Variants in NT5DC1 observed in about 807,000 individuals in gnomAD.
The protein encoded by NT5DC1 is 5'-nucleotidase domain-containing protein 1.
In NT5DC1, 42 loss-of-function variants were observed where a neutral mutation model predicts 59.4. That is an observed-to-expected ratio of 0.71 (90% CI 0.55 to 0.92). NT5DC1 has a LOEUF of 0.92. NT5DC1 is among the 40% of genes least tolerant of loss of function. NT5DC1 has a pLI of 0.00. For synonymous variants in NT5DC1, 172 were observed against 188.1 expected (o/e 0.91, Z 0.70); for missense variants, 501 against 537.1 (o/e 0.93, Z 0.66).
At chr6:116,118,830 C>T (rs1000822301) in intron 6 of NT5DC1, 5 of 152,232 alleles carry the variant, frequency 3.3e-5, no homozygotes, top group African/African-American at 9.6e-5. Context: ...GTGGGTACCT[C>T]TTCACAGTCA....
At chr6:116,200,000 G>GGA (rs1554199752) in intron 6 of NT5DC1, among the ~76,000 whole-genome samples, 1 of 90,948 alleles carries the variant, frequency 1.1e-5, no homozygotes, top group African/African-American at 3.1e-5. Flanking sequence ...TATGGAAAGT[G>GGA]GGGGGGGAAG....
chr6:116,133,456 A>G (rs924326853), intron 6 of NT5DC1, among the ~76,000 whole-genome samples: 11 of 152,210 alleles, frequency 7.2e-5, no homozygotes, highest in Admixed American at 6.5e-4. Context: ...GTCACCATCT[A>G]TAGTGTACAA....
intron 6 of NT5DC1, among the ~76,000 whole-genome samples, chr6:116,144,071 TGAG>T (rs1779831410): frequency 6.6e-6 from 1 of 152,184 alleles, no homozygotes; most frequent in South Asian, 2.1e-4. Context: ...ATTTTTATAA[TGAG>T]GATATTCAGA....
intron 6 of NT5DC1, among the ~76,000 whole-genome samples, chr6:116,143,081 T>C (rs1364019152): frequency 1.3e-5 from 2 of 152,232 alleles, no homozygotes; most frequent in African/African-American, 4.8e-5. Context: ...GATTTTGTTA[T>C]TTTGAATAAT....
chr6:116,110,224 C>T (rs1438291055), intron 3 of NT5DC1, among the ~76,000 whole-genome samples: 1 of 152,206 alleles, frequency 6.6e-6, no homozygotes, highest in African/African-American at 2.4e-5. Flanking sequence ...ATAGGATTCT[C>T]TTAACTGGAC....
intron 6 of NT5DC1, among the ~76,000 whole-genome samples, chr6:116,181,395 T>C (rs1206820952): frequency 6.6e-6 from 1 of 152,082 alleles, no homozygotes; most frequent in Non-Finnish European, 1.5e-5. Context: ...ATTTATGATA[T>C]TAGCAAATAA....
rs570847890 is a variant in NT5DC1 at position 116,237,167 on chromosome 6, C to A, written c.921+83C>A. On this transcript the variant is annotated intron_variant, in intron 9 of 11. Transcript: ENST00000319550. ...AACTGCCAAATCTCTCCTCTTAATT[C>A]TTCTGCTTAAATAAGCCTTTCCTTT... 50 of 778,826 alleles carry A rather than the reference C, an allele frequency of 6.4e-5. No homozygotes were observed. The African/African-American group carries it at 7.1e-4, about 11-fold the overall frequency. 48.2% of individuals were successfully genotyped at this position (778,826 alleles called of 1,614,324 possible).
At chr6:116,162,280 C>G (rs374997779) in intron 6 of NT5DC1, among the ~76,000 whole-genome samples, 3 of 152,122 alleles carry the variant, frequency 2.0e-5, no homozygotes, top group Admixed American at 6.5e-5. Flanking sequence ...CTTTCTCCTG[C>G]CTGATTGCTC....
At chr6:116,215,642 T>C (rs1017414283) in intron 6 of NT5DC1, among the ~76,000 whole-genome samples, 1 of 152,164 alleles carries the variant, frequency 6.6e-6, no homozygotes, top group South Asian at 2.1e-4. Context: ...CACATTTACG[T>C]TGTCTGTCCA....
chr6:116,200,002 G>GT (rs773820394), intron 6 of NT5DC1, among the ~76,000 whole-genome samples: 1 of 101,286 alleles, frequency 9.9e-6, no homozygotes, highest in African/African-American at 3.3e-5. Context: ...TGGAAAGTGG[G>GT]GGGGGAAGAG....
At chr6:116,158,306 G>A (rs1414623018) in intron 6 of NT5DC1, among the ~76,000 whole-genome samples, 2 of 151,826 alleles carry the variant, frequency 1.3e-5, no homozygotes, top group African/African-American at 2.4e-5. Context: ...TTAGTCCTGT[G>A]CATCTACATG....
chr6:116,120,882 G>C, intron 6 of NT5DC1: 2 of 1,613,870 alleles, frequency 1.2e-6, no homozygotes, highest in Non-Finnish European at 1.7e-6. Context: ...CCAACTCCAG[G>C]ATCACCTTTT....
At chr6:116,207,035 A>C (rs535046302) in intron 6 of NT5DC1, among the ~76,000 whole-genome samples, 1 of 151,986 alleles carries the variant, frequency 6.6e-6, no homozygotes, top group South Asian at 2.1e-4. Flanking sequence ...CACTTATGTC[A>C]TATGCTTTCT....
intron 6 of NT5DC1, among the ~76,000 whole-genome samples, chr6:116,213,817 G>A (rs1781635031): frequency 6.6e-6 from 1 of 152,098 alleles, no homozygotes; most frequent in Non-Finnish European, 1.5e-5. Context: ...ATCAGAAAGA[G>A]TTGTGTCTAG....
chr6:116,121,639 T>A, intron 6 of NT5DC1: 1 of 1,613,938 alleles, frequency 6.2e-7, no homozygotes, highest in Non-Finnish European at 8.5e-7. Context: ...GTCCCTGTTG[T>A]CCAGGTTTTC....
At chr6:116,197,804 G>A (rs986581167) in intron 6 of NT5DC1, among the ~76,000 whole-genome samples, 4 of 152,020 alleles carry the variant, frequency 2.6e-5, no homozygotes, top group Non-Finnish European at 4.4e-5. Context: ...AAAGCGCTAG[G>A]TAAACATTTC....
Position 116,244,016 on chromosome 6 carries a change from TC to T in NT5DC1, c.1362del (p.Lys455AsnfsTer17). 1 of 1,338,468 alleles carries T rather than the reference TC, an allele frequency of 7.5e-7. No individual in the cohort carries two copies. The highest frequency in any genetic ancestry group is 1.1e-6 in the Non-Finnish European group (1 of 947,488). The allele number at this position is 1,338,468 out of a possible 1,614,324, so 82.9% of individuals were successfully genotyped here. ...LVLSSDETLI[S>X]K is the part of the protein sequence containing the mutation. ...CTTATCAAGTGATGAGACACTGATA[TC>T]CAAATAAGTTGTCTTTACTGAAAAA... On this transcript the variant is annotated frameshift_variant, in exon 12 of 12. Transcript: ENST00000319550. LOFTEE classifies it high-confidence loss of function.
intron 6 of NT5DC1, among the ~76,000 whole-genome samples, chr6:116,138,538 C>T (rs187546287): frequency 6.6e-6 from 1 of 152,228 alleles, no homozygotes; most frequent in East Asian, 1.9e-4. Flanking sequence ...TAATTAAAAA[C>T]GAAGCTAATT....
At chr6:116,200,473 G>A (rs368471562) in intron 6 of NT5DC1, among the ~76,000 whole-genome samples, 4 of 152,024 alleles carry the variant, frequency 2.6e-5, no homozygotes, top group African/African-American at 9.6e-5. Flanking sequence ...ATATTGATAG[G>A]GAAATTGAGT....
Sources: allele counts gnomAD v4.1 joint callset (sites outside exome capture counted in the v4.1 genomes callset), GRCh38; gene constraint gnomAD v4.1.1; transcripts MANE v1.5; gene names NCBI Gene and HGNC (gene_info 2026-07-23, HGNC 2026-07-21).